Variants in LZTFL1 observed in about 807,000 individuals in gnomAD.
LZTFL1 encodes the protein leucine zipper transcription factor like 1, also known as leucine zipper transcription factor-like protein 1.
A neutral mutation model predicts 45.9 loss-of-function variants in LZTFL1; 25 were observed. The observed-to-expected ratio is 0.54, with a 90% CI of 0.40 to 0.76. The LOEUF (loss-of-function observed/expected upper bound fraction) is 0.76. Ranked by LOEUF, LZTFL1 falls within the 30% of genes least tolerant of loss-of-function variation. The pLI is 0.00. For missense variants in LZTFL1, 277 were observed against 331.1 expected (o/e 0.84, Z 1.27); for synonymous variants, 93 against 117.4 (o/e 0.79, Z 1.35).
Position 45,828,433 on chromosome 3 carries a change from TC to T in LZTFL1, c.777+5del. On this transcript the variant is annotated splice_donor_5th_base_variant and intron_variant, in intron 8 of 9. Coordinates refer to ENST00000296135, the MANE Select transcript of LZTFL1 (RefSeq NM_020347.4). ...CAGACAAATCCCTTAAACATGGTCT[TC>T]TGACCTTTTCAGCCATGTGCAGCTG... 6.2e-7 allele frequency: 1 copy of T among 1,613,092 alleles called. No homozygotes were observed. The highest frequency in any genetic ancestry group is 1.3e-5 in the African/African-American group (1 of 74,934).
intron 2 of LZTFL1, among the ~76,000 whole-genome samples, chr3:45,886,960 C>G (rs143416057): frequency 6.6e-6 from 1 of 152,186 alleles, no homozygotes; most frequent in African/African-American, 2.4e-5. Flanking sequence ...AGATGGTGGC[C>G]AGGGGTAAAG....
intron 2 of LZTFL1, among the ~76,000 whole-genome samples, chr3:45,873,159 C>T (rs972784467): frequency 7.9e-5 from 12 of 152,196 alleles, no homozygotes; most frequent in African/African-American, 2.4e-4. Flanking sequence ...ACCAATTTTT[C>T]AAGCTTCTCA....
chr3:45,863,500 G>T (rs775290419), intron 2 of LZTFL1, among the ~76,000 whole-genome samples: 9 of 152,134 alleles, frequency 5.9e-5, no homozygotes, highest in Non-Finnish European at 1.3e-4. Flanking sequence ...GGATGGATCA[G>T]ACCACCATCA....
intron 2 of LZTFL1, among the ~76,000 whole-genome samples, chr3:45,885,107 T>C (rs1347414502): frequency 6.6e-6 from 1 of 152,180 alleles, no homozygotes; most frequent in African/African-American, 2.4e-5. Flanking sequence ...TAAACCCAAG[T>C]GCACCTTCTG....
At chr3:45,865,451 C>T (rs1312787900) in intron 2 of LZTFL1, among the ~76,000 whole-genome samples, 2 of 152,242 alleles carry the variant, frequency 1.3e-5, no homozygotes, top group African/African-American at 4.8e-5. Context: ...CTACATGCTT[C>T]CACATGCAAA....
chr3:45,869,659 T>C (rs1427717835), intron 2 of LZTFL1, among the ~76,000 whole-genome samples: 13 of 152,182 alleles, frequency 8.5e-5, no homozygotes, highest in Non-Finnish European at 1.6e-4. Flanking sequence ...GGAAGCAGTG[T>C]GGGTAATGCC....
Position 45,900,922 on chromosome 3 carries a change from A to G in LZTFL1, c.-215+12198T>C. 6.2e-7 allele frequency: 1 copy of G among 1,614,158 alleles called. No homozygotes were observed. Among genetic ancestry groups the G allele is most frequent in the Non-Finnish European group, 8.5e-7 (1 of 1,180,020 alleles). On this transcript the variant is annotated intron_variant, in intron 2 of 4. Transcript: ENST00000472635. This position sits in a 1 kb window ranked among gnomAD's most constrained non-coding sequence, Gnocchi z 4.7. ...TACTGTGAGAAAAACAATGTCAGGCAGTTTGCGAGCCATTTCCTCCCACCC... is the reference window on the plus strand; with the variant it reads ...TACTGTGAGAAAAACAATGTCAGGCGGTTTGCGAGCCATTTCCTCCCACCC...
intron 2 of LZTFL1, among the ~76,000 whole-genome samples, chr3:45,863,892 C>T (rs1339558547): frequency 6.6e-6 from 1 of 152,172 alleles, no homozygotes; most frequent in Non-Finnish European, 1.5e-5. Flanking sequence ...TTCAGGGAAA[C>T]ATTTGGTGAA....
chr3:45,905,136 C>T (rs555979606), intron 2 of LZTFL1, among the ~76,000 whole-genome samples: 12 of 152,350 alleles, frequency 7.9e-5, no homozygotes, highest in East Asian at 5.8e-4. Context: ...CTCCATTCAA[C>T]GAGTAGTCAC....
intron 1 of LZTFL1, among the ~76,000 whole-genome samples, chr3:45,839,430 C>T (rs1221787165): frequency 2.0e-5 from 3 of 152,210 alleles, no homozygotes; most frequent in Non-Finnish European, 4.4e-5. Flanking sequence ...ATTACATTTA[C>T]ACTCTTTGCT....
chr3:45,848,534 G>A (rs939115153), intron 4 of LZTFL1, among the ~76,000 whole-genome samples: 4 of 152,212 alleles, frequency 2.6e-5, no homozygotes, highest in Admixed American at 6.5e-5. Flanking sequence ...GAGATGAACT[G>A]CTCAGGTGGA....
chr3:45,895,318 T>C (rs1702317819), intron 2 of LZTFL1, among the ~76,000 whole-genome samples: 1 of 152,248 alleles, frequency 6.6e-6, no homozygotes, highest in Non-Finnish European at 1.5e-5. Context: ...AAACCCATGG[T>C]GGGCACATTA....
intron 2 of LZTFL1, among the ~76,000 whole-genome samples, chr3:45,871,227 G>A (rs886567020): frequency 3.3e-5 from 5 of 152,196 alleles, no homozygotes; most frequent in East Asian, 1.9e-4. Context: ...TGCCAGAATG[G>A]AGTTGCTTTG....
intron 2 of LZTFL1, among the ~76,000 whole-genome samples, chr3:45,904,270 G>A (rs62245098): frequency 0.29 from 43,520 of 152,194 alleles, 8,784 homozygotes; most frequent in African/African-American, 0.57. Context: ...TCAGAGTTCA[G>A]CAGCTAGGAA....
intron 2 of LZTFL1, among the ~76,000 whole-genome samples, chr3:45,891,803 C>T (rs914051158): frequency 7.9e-5 from 12 of 152,192 alleles, no homozygotes; most frequent in African/African-American, 2.9e-4. Context: ...CTTTGTCTCA[C>T]TTGACCTTGA....
chr3:45,827,288 T>A, intron 9 of LZTFL1, 68 bp downstream of exon 9: 1 of 1,210,368 alleles, frequency 8.3e-7, no homozygotes, highest in Non-Finnish European at 1.2e-6. Context: ...TGGAACAAGC[T>A]TAGATTTAAC....
chr3:45,882,832 ATT>A (rs1701885989), intron 2 of LZTFL1, among the ~76,000 whole-genome samples: 1 of 142,862 alleles, frequency 7.0e-6, no homozygotes, highest in Non-Finnish European at 1.5e-5. Context: ...TATTATTATT[ATT>A]AACATTTTTT....
chr3:45,879,766 G>A (rs1024605016), intron 2 of LZTFL1, among the ~76,000 whole-genome samples: 2 of 152,112 alleles, frequency 1.3e-5, no homozygotes, highest in African/African-American at 4.8e-5. Flanking sequence ...CGGGTATATA[G>A]GAACTCTCTG....
intron 1 of LZTFL1, among the ~76,000 whole-genome samples, chr3:45,914,371 C>A (rs1702857009): frequency 6.6e-6 from 1 of 151,658 alleles, no homozygotes; most frequent in Middle Eastern, 3.4e-3. Flanking sequence ...CAGCCTCAAA[C>A]TCCCAGGCTT....
Sources: gnomAD v4.1 joint callset for allele counts (sites outside exome capture counted in the v4.1 genomes callset) on GRCh38, gnomAD v4.1.1 for gene constraint, Gnocchi (gnomAD v3.1) non-coding constraint, MANE v1.5 for transcripts, NCBI Gene and HGNC (gene_info 2026-07-23, HGNC 2026-07-21) for gene names.